TAFA1: variants seen among roughly 807,000 people sequenced by gnomAD.
TAFA1 encodes the protein chemokine-like protein TAFA-1.
In TAFA1, 4 loss-of-function variants were observed where a neutral mutation model predicts 18.5. That is an observed-to-expected ratio of 0.22 (90% CI 0.11 to 0.49). The LOEUF is 0.49. Ranked by LOEUF, TAFA1 falls within the 20% of genes least tolerant of loss-of-function variation. The pLI, the probability that TAFA1 is intolerant of heterozygous loss-of-function variation, is 0.98. For synonymous variants in TAFA1, 56 were observed against 55.2 expected, an observed-to-expected ratio of 1.01 and a Z score of -0.06; for missense variants, 147 against 169.0, an observed-to-expected ratio of 0.87 and a Z score of 0.72.
At chr3:68,312,230 G>A (rs1430421401) in intron 2 of TAFA1, among the ~76,000 whole-genome samples, 1 of 149,860 alleles carries the variant, frequency 6.7e-6, no homozygotes, top group Non-Finnish European at 1.5e-5. Context: ...AGGAGGGGCT[G>A]CCCTGGAGAC....
intron 3 of TAFA1, among the ~76,000 whole-genome samples, chr3:68,442,726 A>C (rs2071406729): frequency 2.6e-5 from 4 of 152,190 alleles, no homozygotes; most frequent in Admixed American, 2.6e-4. Flanking sequence ...AAAATGGCTC[A>C]GTGTAGCCAT....
At chr3:68,146,419 C>T (rs2065742041) in intron 2 of TAFA1, among the ~76,000 whole-genome samples, 2 of 152,162 alleles carry the variant, frequency 1.3e-5, no homozygotes, top group African/African-American at 2.4e-5. Flanking sequence ...CCAAAACTTT[C>T]CTCCTCCTCT....
At chr3:68,058,245 C>G (rs2064559772) in intron 2 of TAFA1, among the ~76,000 whole-genome samples, 1 of 152,142 alleles carries the variant, frequency 6.6e-6, no homozygotes, top group East Asian at 1.9e-4. Flanking sequence ...GTTTCCTCAT[C>G]TGTAAGATGG....
chr3:68,125,292 G>C (rs545994383), intron 2 of TAFA1, among the ~76,000 whole-genome samples: 1 of 152,280 alleles, frequency 6.6e-6, no homozygotes, highest in East Asian at 1.9e-4. Flanking sequence ...GGATGAAAAG[G>C]GCTGATATTC....
At chr3:68,030,656 G>T (rs1258009552) in intron 2 of TAFA1, among the ~76,000 whole-genome samples, 2 of 152,126 alleles carry the variant, frequency 1.3e-5, no homozygotes, top group Non-Finnish European at 2.9e-5. Context: ...TCTTTACCCA[G>T]TCTATCATTG....
At chr3:68,189,078 A>G (rs927847656) in intron 2 of TAFA1, among the ~76,000 whole-genome samples, 1 of 151,882 alleles carries the variant, frequency 6.6e-6, no homozygotes, top group Non-Finnish European at 1.5e-5. Context: ...GTGTGACCCA[A>G]AATTTTGGAA....
chr3:68,268,799 GA>G (rs2067600140), intron 2 of TAFA1, among the ~76,000 whole-genome samples: 1 of 152,216 alleles, frequency 6.6e-6, no homozygotes, highest in East Asian at 1.9e-4. Context: ...CTGTTAGAAA[GA>G]AACCAGTCAG....
chr3:68,331,034 A>G (rs2068858427), intron 2 of TAFA1, among the ~76,000 whole-genome samples: 1 of 143,030 alleles, frequency 7.0e-6, no homozygotes, highest in Non-Finnish European at 1.5e-5. Context: ...GAAACAAAAA[A>G]CAACAAATGT....
intron 3 of TAFA1, among the ~76,000 whole-genome samples, chr3:68,439,241 C>A (rs1176771018): frequency 1.3e-5 from 2 of 151,210 alleles, no homozygotes; most frequent in Non-Finnish European, 2.9e-5. Flanking sequence ...TTATTCTTTT[C>A]CTCCCAAATC....
At chr3:68,323,778 A>G (rs540271498) in intron 2 of TAFA1, among the ~76,000 whole-genome samples, 1 of 152,308 alleles carries the variant, frequency 6.6e-6, no homozygotes, top group South Asian at 2.1e-4. Context: ...CTAGCAATGG[A>G]CAGATTTACT....
At chr3:68,499,227 G>C (rs1475150505) in intron 3 of TAFA1, among the ~76,000 whole-genome samples, 1 of 150,800 alleles carries the variant, frequency 6.6e-6, no homozygotes, top group East Asian at 1.9e-4. Context: ...AAATATCTAG[G>C]GTAGAATTTT....
At chr3:68,256,777 T>C (rs1231540466) in intron 2 of TAFA1, among the ~76,000 whole-genome samples, 4 of 152,132 alleles carry the variant, frequency 2.6e-5, no homozygotes, top group Non-Finnish European at 5.9e-5. Context: ...GGAAATTTGA[T>C]ACATGTTTAT....
Position 68,289,436 on chromosome 3 carries a change from A to G in TAFA1, c.119-127844A>G, listed in dbSNP as rs114058527. 5.5e-3 allele frequency among the ~76,000 whole-genome samples: 743 copies of G among 134,700 alleles called. 14 individuals are homozygous for G. The highest frequency in any genetic ancestry group is 0.02 in the African/African-American group (712 of 36,374). The allele number at this position is 134,700 out of a possible 152,430, so 88.4% of individuals were successfully genotyped here. On this transcript the variant is annotated intron_variant, in intron 2 of 4. Coordinates refer to ENST00000478136, the MANE Select transcript of TAFA1 (RefSeq NM_213609.4). ...TATTATTTTGTAGAAGCATTACTAC[A>G]TTCATAATTAGAGCTACATCTGCCC...
chr3:68,170,646 T>G (rs2066040990), intron 2 of TAFA1, among the ~76,000 whole-genome samples: 1 of 152,152 alleles, frequency 6.6e-6, no homozygotes, highest in South Asian at 2.1e-4. Flanking sequence ...TGACTGGCAT[T>G]GAGGCTCAGC....
At chr3:68,237,102 C>G (rs2066936521) in intron 2 of TAFA1, among the ~76,000 whole-genome samples, 1 of 152,194 alleles carries the variant, frequency 6.6e-6, no homozygotes, top group African/African-American at 2.4e-5. Flanking sequence ...ATACCATAAA[C>G]TGGGTGACTT....
intron 2 of TAFA1, among the ~76,000 whole-genome samples, chr3:68,212,283 G>A (rs954072380): frequency 4.6e-5 from 7 of 151,798 alleles, no homozygotes; most frequent in African/African-American, 1.2e-4. Context: ...AGAGGGGTAA[G>A]AGATGAGATT....
In TAFA1 at chr3:68,387,622, A is replaced by T. The variant is rs898368867; in HGVS notation, c.119-29658A>T. The stretch of plus-strand genomic sequence containing the variant: ...AAATAAAGGCATGATGATGTATTAG[A>T]TTGATTTATTTTCCCAGATTTTCTG... On this transcript the variant is annotated intron_variant, in intron 2 of 4. Transcript: ENST00000478136. 2.0e-5 allele frequency among the ~76,000 whole-genome samples: 3 copies of T among 152,194 alleles called. No homozygotes were observed. In the East Asian group the frequency reaches 5.8e-4, roughly 29 times the overall value.
At chr3:68,537,751 T>C (rs1354848087) in intron 3 of TAFA1, among the ~76,000 whole-genome samples, 2 of 152,170 alleles carry the variant, frequency 1.3e-5, no homozygotes, top group Non-Finnish European at 2.9e-5. Flanking sequence ...GAGTAAAATA[T>C]TTTTATTTCC....
intron 2 of TAFA1, among the ~76,000 whole-genome samples, chr3:68,139,273 G>A (rs1377334844): frequency 6.6e-6 from 1 of 152,140 alleles, no homozygotes; most frequent in Non-Finnish European, 1.5e-5. Flanking sequence ...AGCAGTAAGA[G>A]GAGAAATACA....
Sources: gnomAD v4.1 joint callset for allele counts (sites outside exome capture counted in the v4.1 genomes callset) on GRCh38, gnomAD v4.1.1 for gene constraint, MANE v1.5 for transcripts, NCBI Gene and HGNC (gene_info 2026-07-23, HGNC 2026-07-21) for gene names.